Variants in TNIK observed in about 807,000 individuals in gnomAD.
The protein encoded by TNIK is TRAF2 and NCK-interacting protein kinase.
Under a neutral mutation model 191.3 loss-of-function variants are expected in TNIK, and 49 were observed. The ratio of observed to expected loss-of-function variants is 0.26; its 90% confidence interval spans 0.20 to 0.32. TNIK has a LOEUF of 0.32. TNIK is among the 10% of genes least tolerant of loss of function. The pLI, the probability that TNIK is intolerant of heterozygous loss-of-function variation, is 1.00. For missense variants in TNIK, 1,155 were observed against 1,702.3 expected, an observed-to-expected ratio of 0.68 and a Z score of 5.66; for synonymous variants, 594 against 600.9, an observed-to-expected ratio of 0.99 and a Z score of 0.17.
chr3:171,173,123 G>A (rs138390937), intron 9 of TNIK, among the ~76,000 whole-genome samples: 5,075 of 151,464 alleles, frequency 0.034, 129 homozygotes, highest in Non-Finnish European at 0.048. Flanking sequence ...GGTGGCTCAC[G>A]CCTGTAATCC....
intron 12 of TNIK, among the ~76,000 whole-genome samples, chr3:171,144,181 A>G (rs1731226126): frequency 6.6e-6 from 1 of 152,196 alleles, no homozygotes; most frequent in African/African-American, 2.4e-5. Context: ...TCTTGTAGGC[A>G]TTGCTAAAAG....
intron 7 of TNIK, among the ~76,000 whole-genome samples, chr3:171,186,206 C>T (rs1737350375): frequency 6.6e-6 from 1 of 152,162 alleles, no homozygotes; most frequent in African/African-American, 2.4e-5. Context: ...AGGTTACATT[C>T]CTAAGGATAC....
chr3:171,325,826 A>G (rs1305192543), intron 2 of TNIK, among the ~76,000 whole-genome samples: 1 of 152,256 alleles, frequency 6.6e-6, no homozygotes, highest in Admixed American at 6.5e-5. Context: ...GCTAGGAGGT[A>G]CATAGTACTC....
intron 10 of TNIK, among the ~76,000 whole-genome samples, chr3:171,161,864 G>A (rs1485080944): frequency 2.6e-5 from 4 of 152,108 alleles, no homozygotes; most frequent in Admixed American, 6.5e-5. Context: ...AGCTTGTAGT[G>A]AGCCAAGATC....
chr3:171,281,535 T>C (rs1050158991), intron 2 of TNIK, among the ~76,000 whole-genome samples: 9 of 152,212 alleles, frequency 5.9e-5, no homozygotes, highest in African/African-American at 1.9e-4. Flanking sequence ...CATAGGACTT[T>C]TGTGAGGATT....
chr3:171,271,256 A>G (rs1476516914), intron 2 of TNIK, among the ~76,000 whole-genome samples: 4 of 152,214 alleles, frequency 2.6e-5, no homozygotes, highest in African/African-American at 9.6e-5. Context: ...GCACTTCTGC[A>G]TTATTCTTAG....
chr3:171,372,328 T>TGGCCTTGAATAGGCAACC (rs1716614191), intron 1 of TNIK, among the ~76,000 whole-genome samples: 1 of 152,202 alleles, frequency 6.6e-6, no homozygotes, highest in African/African-American at 2.4e-5. Context: ...TACTGGCAAC[T>TGGCCTTGAATAGGCAACC]GGCCTTGCAT....
chr3:171,247,664 TG>T (rs1560317626), intron 2 of TNIK, among the ~76,000 whole-genome samples: 2 of 151,142 alleles, frequency 1.3e-5, no homozygotes, highest in Non-Finnish European at 2.9e-5. Context: ...AACCAGCGGG[TG>T]GGAAAAAAGA....
chr3:171,087,630 A>C, intron 23 of TNIK, 124 bp from the exon 24 acceptor site: 1 of 1,030,224 alleles, frequency 9.7e-7, no homozygotes, highest in Non-Finnish European at 1.4e-6. Flanking sequence ...TGAGAAGGTG[A>C]TATTCACATT....
At chr3:171,406,042 T>C (rs946981234) in intron 1 of TNIK, among the ~76,000 whole-genome samples, 3 of 152,296 alleles carry the variant, frequency 2.0e-5, no homozygotes, top group South Asian at 2.1e-4. Flanking sequence ...TATTCTATGA[T>C]AATGTATGAT....
chr3:171,238,167 A>C (rs979628095), intron 2 of TNIK, among the ~76,000 whole-genome samples: 1 of 152,198 alleles, frequency 6.6e-6, no homozygotes, highest in Non-Finnish European at 1.5e-5. Flanking sequence ...CAAAAAGGAC[A>C]TTAGAAAACT....
At chr3:171,330,713 G>GT (rs1173046964) in intron 2 of TNIK, among the ~76,000 whole-genome samples, 6 of 152,106 alleles carry the variant, frequency 3.9e-5, no homozygotes, top group Non-Finnish European at 8.8e-5. Context: ...TGATCCTTCT[G>GT]TTCCCACTAT....
At chr3:171,457,551 T>A (rs1728921880) in intron 1 of TNIK, among the ~76,000 whole-genome samples, 1 of 152,142 alleles carries the variant, frequency 6.6e-6, no homozygotes, top group African/African-American at 2.4e-5. Context: ...AAATGAGACA[T>A]CTCATCTAGA....
intron 26 of TNIK, chr3:171,082,672 C>G: frequency 3.0e-6 from 1 of 329,246 alleles, no homozygotes; most frequent in Non-Finnish European, 5.5e-6. Flanking sequence ...GAGCCTTAGG[C>G]ACAGATGTGA....
rs369143785 is a variant in TNIK, at chr3:171,225,434, C to T, written c.180+2731G>A. 3.0e-5 allele frequency: 10 copies of T among 337,678 alleles called. No homozygotes were observed. In the East Asian group the frequency reaches 9.4e-4, roughly 32 times the overall value. The allele number at this position is 337,678 out of a possible 1,614,324, so 20.9% of individuals were successfully genotyped here. A position where few individuals can be genotyped will look rare whatever the true frequency, so the allele number is the denominator to read the frequency against. ...TGAATCACAGAAAAACTATCTAGCC[C>T]TCCTCAATAGGAGTTCCCCAAGAGA... On this transcript the variant is annotated intron_variant, in intron 3 of 32. Transcript: ENST00000436636.
intron 2 of TNIK, among the ~76,000 whole-genome samples, chr3:171,293,183 T>C (rs1751880737): frequency 6.6e-6 from 1 of 152,208 alleles, no homozygotes. Flanking sequence ...AAACCACAAA[T>C]ATCCTGATTA....
intron 28 of TNIK, among the ~76,000 whole-genome samples, chr3:171,071,833 T>C (rs926850523): frequency 1.3e-5 from 2 of 152,158 alleles, no homozygotes; most frequent in African/African-American, 4.8e-5. Context: ...AGGGGGGTGT[T>C]AGGAGTCTTG....
At chr3:171,430,223 C>T (rs1211903817) in intron 1 of TNIK, among the ~76,000 whole-genome samples, 1 of 152,150 alleles carries the variant, frequency 6.6e-6, no homozygotes, top group Non-Finnish European at 1.5e-5. Context: ...AATACTGTTT[C>T]AAGTAGTTTC....
chr3:171,340,461 A>AGT (rs1757404845), intron 2 of TNIK, among the ~76,000 whole-genome samples: 1 of 152,216 alleles, frequency 6.6e-6, no homozygotes, highest in South Asian at 2.1e-4. Flanking sequence ...GGATGAGTGC[A>AGT]GTTTGAATTT....
Sources: gnomAD v4.1 joint callset for allele counts (sites outside exome capture counted in the v4.1 genomes callset) on GRCh38, gnomAD v4.1.1 for gene constraint, MANE v1.5 for transcripts, NCBI Gene and HGNC (gene_info 2026-07-23, HGNC 2026-07-21) for gene names.